PDZRN4: variants seen among roughly 807,000 people sequenced by gnomAD.
PDZRN4 encodes PDZ domain-containing RING finger protein 4.
A neutral mutation model predicts 99.0 loss-of-function variants in PDZRN4; 70 were observed. That is an observed-to-expected ratio of 0.71 (90% confidence interval 0.58 to 0.86). The LOEUF (loss-of-function observed/expected upper bound fraction) is 0.86. PDZRN4 is among the 40% of genes least tolerant of loss of function. The pLI is 0.00. For synonymous variants in PDZRN4, 551 were observed against 501.6 expected (o/e 1.10, Z -1.32); for missense variants, 1,474 against 1,331.2 (o/e 1.11, Z -1.67).
At chr12:41,282,338 T>C (rs1360449845) in intron 3 of PDZRN4, among the ~76,000 whole-genome samples, 2 of 152,214 alleles carry the variant, frequency 1.3e-5, no homozygotes, top group East Asian at 1.9e-4. Flanking sequence ...TAAATATATA[T>C]GCACCCAATA....
chr12:41,270,790 T>C lies in PDZRN4; in HGVS notation c.843+76602T>C, dbSNP rs191889098. On this transcript the variant is annotated intron_variant, in intron 3 of 9. Coordinates refer to ENST00000402685, the MANE Select transcript of PDZRN4 (RefSeq NM_001164595.2). ...TTCTTTTATTAATTTGTTAGTTACG[T>C]AGAAATCTCAAAATAATTATTGTGT... 1.2e-4 allele frequency among the ~76,000 whole-genome samples: 18 copies of C among 152,262 alleles called. No homozygotes were observed. In the East Asian group the frequency reaches 3.3e-3, roughly 28 times the overall value.
At chr12:41,324,194 C>T (rs1367470667) in intron 3 of PDZRN4, among the ~76,000 whole-genome samples, 1 of 152,020 alleles carries the variant, frequency 6.6e-6, no homozygotes, top group Admixed American at 6.6e-5. Context: ...CATTCCTCTG[C>T]ATGAGATTTT....
intron 5 of PDZRN4, among the ~76,000 whole-genome samples, chr12:41,540,863 CGTTGTTGTTGTTGTTGTTGTTGTTGTT>C: frequency 8.6e-6 from 1 of 115,754 alleles, no homozygotes; most frequent in Non-Finnish European, 1.9e-5. Flanking sequence ...CCCTTTTCTT[CGTTGTTGTTGTTGTTGTTGTTGTTGTT>C]GTCCCTTTTC....
At chr12:41,458,531 C>T (rs1050433735) in intron 3 of PDZRN4, among the ~76,000 whole-genome samples, 1 of 152,150 alleles carries the variant, frequency 6.6e-6, no homozygotes, top group African/African-American at 2.4e-5. Flanking sequence ...GATCTATGCT[C>T]AGCTATAATA....
chr12:41,570,937 C>G (rs904641413), intron 9 of PDZRN4, among the ~76,000 whole-genome samples: 10 of 152,114 alleles, frequency 6.6e-5, no homozygotes, highest in Admixed American at 3.3e-4. Flanking sequence ...GTTATGTTCT[C>G]TCCTCTTGAT....
At chr12:41,282,899 T>C (rs191812064) in intron 3 of PDZRN4, among the ~76,000 whole-genome samples, 1 of 152,282 alleles carries the variant, frequency 6.6e-6, no homozygotes, top group African/African-American at 2.4e-5. Flanking sequence ...TTTATAGCAC[T>C]AAATGCCCAC....
intron 3 of PDZRN4, among the ~76,000 whole-genome samples, chr12:41,238,241 G>T (rs921247939): frequency 7.9e-5 from 12 of 152,048 alleles, no homozygotes; most frequent in Admixed American, 7.9e-4. Context: ...AATTGTAAAT[G>T]ATAGTTCATT....
chr12:41,516,794 G>T (rs1422716013), intron 5 of PDZRN4, among the ~76,000 whole-genome samples: 8 of 151,076 alleles, frequency 5.3e-5, no homozygotes, highest in Non-Finnish European at 1.0e-4. Context: ...ACTTTCGAAA[G>T]TATCCTAGAC....
chr12:41,199,604 C>A (rs1489416175), intron 3 of PDZRN4, among the ~76,000 whole-genome samples: 1 of 152,130 alleles, frequency 6.6e-6, no homozygotes, highest in East Asian at 1.9e-4. Flanking sequence ...ACGGAATCAA[C>A]CTATGTGTCC....
intron 3 of PDZRN4, among the ~76,000 whole-genome samples, chr12:41,297,874 C>T (rs1432185440): frequency 6.6e-6 from 1 of 152,144 alleles, no homozygotes; most frequent in East Asian, 1.9e-4. Context: ...TTATAGTCAT[C>T]CTCTAAGAGA....
intron 3 of PDZRN4, among the ~76,000 whole-genome samples, chr12:41,308,092 T>C (rs1951583852): frequency 1.3e-5 from 2 of 152,184 alleles, no homozygotes; most frequent in Non-Finnish European, 2.9e-5. Flanking sequence ...TTTTCTAACA[T>C]TCTAACATCA....
chr12:41,538,197 A>T (rs769782798), intron 5 of PDZRN4, among the ~76,000 whole-genome samples: 3 of 152,182 alleles, frequency 2.0e-5, no homozygotes, highest in Non-Finnish European at 2.9e-5. Context: ...ACAAAGGTAT[A>T]TTAAAAAAAA....
intron 6 of PDZRN4, 39 bp from the exon 7 acceptor site, chr12:41,555,659 T>A: frequency 6.7e-7 from 1 of 1,500,118 alleles, no homozygotes; most frequent in Non-Finnish European, 9.3e-7. Flanking sequence ...GAGGGAATGT[T>A]TCATACCCAG....
chr12:41,195,069 T>C (rs1015016668), intron 3 of PDZRN4, among the ~76,000 whole-genome samples: 1 of 152,170 alleles, frequency 6.6e-6, no homozygotes, highest in Non-Finnish European at 1.5e-5. Context: ...GTTTTAACTG[T>C]ATTGTTGTAT....
chr12:41,281,825 G>A (rs999680532), intron 3 of PDZRN4, among the ~76,000 whole-genome samples: 11 of 151,840 alleles, frequency 7.2e-5, no homozygotes, highest in Non-Finnish European at 1.5e-4. Context: ...ATTGCCCTGA[G>A]GGATTTTGTC....
At chr12:41,570,093 G>C (rs964493891) in intron 9 of PDZRN4, among the ~76,000 whole-genome samples, 1 of 152,046 alleles carries the variant, frequency 6.6e-6, no homozygotes, top group African/African-American at 2.4e-5. Context: ...GGTGTCAAAC[G>C]CTGCCTACTC....
At chr12:41,438,987 T>A (rs557808740) in intron 3 of PDZRN4, among the ~76,000 whole-genome samples, 1 of 152,324 alleles carries the variant, frequency 6.6e-6, no homozygotes, top group Non-Finnish European at 1.5e-5. Context: ...AAGTGCCCAC[T>A]GACTACTGGC....
At chr12:41,330,434 G>A (rs1207901902) in intron 3 of PDZRN4, among the ~76,000 whole-genome samples, 3 of 151,002 alleles carry the variant, frequency 2.0e-5, no homozygotes, top group Admixed American at 6.6e-5. Flanking sequence ...CTGTAAAATG[G>A]GGATATTAAA....
chr12:41,535,784 C>G (rs1392272709), intron 5 of PDZRN4, among the ~76,000 whole-genome samples: 1 of 152,174 alleles, frequency 6.6e-6, no homozygotes, highest in Admixed American at 6.5e-5. Flanking sequence ...GCCCTTCCAC[C>G]GTGGGATGAT....
Sources: gnomAD v4.1 joint callset for allele counts (sites outside exome capture counted in the v4.1 genomes callset) on GRCh38, gnomAD v4.1.1 for gene constraint, MANE v1.5 for transcripts, NCBI Gene and HGNC (gene_info 2026-07-23, HGNC 2026-07-21) for gene names.